Variants in DNAH11 observed in about 807,000 individuals in gnomAD.
The protein encoded by DNAH11 is axonemal beta dynein heavy chain 11.
Under a neutral mutation model 526.0 loss-of-function variants are expected in DNAH11, and 442 were observed. The ratio of observed to expected loss-of-function variants is 0.84; its 90% CI spans 0.78 to 0.91. DNAH11 has a LOEUF of 0.91. Among genes scored for constraint, DNAH11 ranks in the 40% least tolerant of loss-of-function variants. The pLI, the probability that DNAH11 is intolerant of heterozygous loss-of-function variation, is 0.00. For synonymous variants in DNAH11, 2,461 were observed against 1,935.9 expected, an observed-to-expected ratio of 1.27 and a Z score of -7.12; for missense variants, 6,989 against 5,448.7, an observed-to-expected ratio of 1.28 and a Z score of -8.90.
chr7:21,788,689 T>C (rs914692362), intron 60 of DNAH11, among the ~76,000 whole-genome samples: 1 of 152,200 alleles, frequency 6.6e-6, no homozygotes, highest in Non-Finnish European at 1.5e-5. Flanking sequence ...GTTGATGTTG[T>C]GTGGATATCT....
intron 14 of DNAH11, among the ~76,000 whole-genome samples, chr7:21,594,926 A>T (rs908871033): frequency 1.3e-5 from 2 of 152,168 alleles, no homozygotes; most frequent in African/African-American, 4.8e-5. Flanking sequence ...GAGTAAATAC[A>T]ATCTGACTTT....
At position 21,606,615 on chromosome 7, in the gene DNAH11, C is replaced by CTT. The variant is rs372802563; in HGVS notation, c.3766-13_3766-12dup. On this transcript the variant is annotated intron_variant, in intron 19 of 81. Coordinates refer to ENST00000409508, the MANE Select transcript of DNAH11 (RefSeq NM_001277115.2). ...AATTGAAGTATTTGTTTGAAATTCA[C>CTT]TTTTTTTTTTTTTTTTTTTTGCAAT... 0.071 allele frequency: 81,334 copies of CTT among 1,147,630 alleles called. 147 individuals carry two copies. The highest frequency in any genetic ancestry group is 0.089 in the South Asian group (5,197 of 58,432). 71.1% of individuals were successfully genotyped at this position (1,147,630 alleles called of 1,614,324 possible).
chr7:21,583,513 A>C (rs113089157), intron 9 of DNAH11, among the ~76,000 whole-genome samples: 1 of 152,112 alleles, frequency 6.6e-6, no homozygotes, highest in African/African-American at 2.4e-5. Context: ...CATTCAGGAC[A>C]TAGGCATGGG....
At chr7:21,717,660 A>T in intron 42 of DNAH11, 115 bp from the exon 43 acceptor site, 1 of 1,254,296 alleles carries the variant, frequency 8.0e-7, no homozygotes, top group Non-Finnish European at 1.1e-6. Context: ...GAACTCACTA[A>T]ACGTGTCCTT....
intron 35 of DNAH11, among the ~76,000 whole-genome samples, chr7:21,691,315 C>T (rs1783614501): frequency 6.6e-6 from 1 of 151,612 alleles, no homozygotes; most frequent in Non-Finnish European, 1.5e-5. Context: ...GGTAGCCTTT[C>T]CAGAGCACAG....
chr7:21,611,484 T>C (rs146886067), intron 20 of DNAH11, among the ~76,000 whole-genome samples: 146 of 152,338 alleles, frequency 9.6e-4, no homozygotes, highest in African/African-American at 3.3e-3. Context: ...ATGTATCTAT[T>C]TATTTTTTCC....
intron 25 of DNAH11, among the ~76,000 whole-genome samples, chr7:21,622,954 C>A (rs1218133131): frequency 6.6e-6 from 1 of 152,084 alleles, no homozygotes; most frequent in Non-Finnish European, 1.5e-5. Flanking sequence ...CAACAAAAGC[C>A]AAAATTGACA....
chr7:21,544,055 A>AT (rs1184867538), intron 1 of DNAH11, among the ~76,000 whole-genome samples: 3 of 152,158 alleles, frequency 2.0e-5, no homozygotes, highest in Non-Finnish European at 4.4e-5. Context: ...AGGCAAAAAC[A>AT]TTAAGTCCTT....
intron 20 of DNAH11, among the ~76,000 whole-genome samples, chr7:21,612,497 G>A (rs1276974500): frequency 6.9e-6 from 1 of 144,246 alleles, no homozygotes; most frequent in Non-Finnish European, 1.5e-5. Flanking sequence ...AGAGCTTGCA[G>A]TGAGCCAAGA....
chr7:21,832,644 G>A (rs150519040), intron 65 of DNAH11, among the ~76,000 whole-genome samples: 53 of 152,274 alleles, frequency 3.5e-4, no homozygotes, highest in African/African-American at 1.0e-3. Context: ...AAGGAGCATC[G>A]TTATATATAG....
At chr7:21,849,064 T>C (rs1235712102) in intron 66 of DNAH11, among the ~76,000 whole-genome samples, 2 of 152,172 alleles carry the variant, frequency 1.3e-5, no homozygotes, top group East Asian at 3.9e-4. Context: ...TTTGTATTTT[T>C]AGTAGAGATG....
chr7:21,599,683 A>G, intron 14 of DNAH11, 104 bp from the exon 15 acceptor site: 1 of 858,628 alleles, frequency 1.2e-6, no homozygotes, highest in Non-Finnish European at 1.7e-6. Context: ...TGTCTTGTGC[A>G]CAACAATGCA....
intron 61 of DNAH11, among the ~76,000 whole-genome samples, chr7:21,790,165 G>A (rs1267127426): frequency 1.3e-5 from 2 of 151,826 alleles, no homozygotes; most frequent in Non-Finnish European, 2.9e-5. Context: ...AAATATTTTC[G>A]GCTCGGCGCA....
chr7:21,852,536 C>T lies in DNAH11; in HGVS notation c.10966C>T (p.Arg3656Cys), dbSNP rs755487851. 17 of 1,613,228 alleles carry T rather than the reference C, an allele frequency of 1.1e-5. No homozygotes were observed. The highest frequency in any genetic ancestry group is 2.2e-5 in the East Asian group (1 of 44,858). The change falls in exon 67 of 82, where the codon CGC (arginine) becomes TGC (cysteine). Residue 3656 changes from arginine to cysteine, a missense_variant. Transcript: ENST00000409508. Reference protein sequence around the residue: ...LKYLEDDLLLRLSAAEGSFLD... With the variant: ...LKYLEDDLLLCLSAAEGSFLD... ...GTATCTGGAAGACGATCTCCTTTTG[C>T]GCCTTTCTGCGGCAGAGGGAAGCTT...
chr7:21,847,781 A>T (rs1365597734), intron 66 of DNAH11, among the ~76,000 whole-genome samples: 1 of 152,144 alleles, frequency 6.6e-6, no homozygotes, highest in Admixed American at 6.5e-5. Context: ...GTCCAGCTAT[A>T]ATTGTGGACT....
chr7:21,700,661 T>C (rs1784016484), intron 36 of DNAH11, among the ~76,000 whole-genome samples: 1 of 152,128 alleles, frequency 6.6e-6, no homozygotes, highest in South Asian at 2.1e-4. Flanking sequence ...CATGCACACA[T>C]ATGTTTACTG....
rs550890688 is a variant in DNAH11, at chr7:21,606,427, A to G, written c.3650A>G (p.Glu1217Gly). The change falls in exon 19 of 82, where the codon GAA (glutamate) becomes GGA (glycine). Residue 1217 changes from glutamate (E) to glycine (G), a missense_variant and splice_region_variant. Coordinates refer to ENST00000409508, the MANE Select transcript of DNAH11 (RefSeq NM_001277115.2). ...MPEQVYIQLE[E>G]LPERWETTKK... ...GCATTTGTGCCTTTGCTTTTGCAGGAATTACCTGAAAGATGGGAAACTACC... is the reference window on the plus strand; with the variant it reads ...GCATTTGTGCCTTTGCTTTTGCAGGGATTACCTGAAAGATGGGAAACTACC... The G allele has an allele frequency of 6.2e-7, 1 of 1,606,056 alleles. No individual in the cohort carries two copies. Among genetic ancestry groups the G allele is most frequent in the East Asian group, 2.2e-5 (1 of 44,816 alleles).
intron 66 of DNAH11, among the ~76,000 whole-genome samples, chr7:21,848,242 T>C (rs994177660): frequency 8.6e-5 from 13 of 152,026 alleles, no homozygotes; most frequent in African/African-American, 2.9e-4. Flanking sequence ...TTCTTTGTTC[T>C]CAATAATTTT....
At chr7:21,714,617 G>A (rs1784582833) in intron 42 of DNAH11, among the ~76,000 whole-genome samples, 1 of 152,102 alleles carries the variant, frequency 6.6e-6, no homozygotes, top group Admixed American at 6.5e-5. Context: ...AATCTCGTAA[G>A]TCTCAGTTTT....
Sources: gnomAD v4.1 joint callset for allele counts (sites outside exome capture counted in the v4.1 genomes callset) on GRCh38, gnomAD v4.1.1 for gene constraint, MANE v1.5 for transcripts, NCBI Gene and HGNC (gene_info 2026-07-23, HGNC 2026-07-21) for gene names.